The following EXOC2 variants were observed in gnomAD, a reference collection of about 807,000 sequenced individuals.
EXOC2 encodes SEC5-like 1.
A neutral mutation model predicts 131.8 loss-of-function variants in EXOC2; 70 were observed. The observed-to-expected ratio is 0.53, with a 90% CI of 0.44 to 0.65. The LOEUF (loss-of-function observed/expected upper bound fraction) is 0.65, where lower values mean the gene tolerates loss of function less well. EXOC2 is among the 30% of genes least tolerant of loss of function. EXOC2 has a pLI of 0.00. For synonymous variants in EXOC2, 411 were observed against 398.4 expected (o/e 1.03, Z -0.38); for missense variants, 923 against 1,108.6 (o/e 0.83, Z 2.38).
At chr6:504,051 G>A (rs1764383378) in intron 23 of EXOC2, among the ~76,000 whole-genome samples, 1 of 152,274 alleles carries the variant, frequency 6.6e-6, no homozygotes, top group African/African-American at 2.4e-5. Flanking sequence ...GTGCTGGGGT[G>A]GCCCGGCTCG....
intron 12 of EXOC2, among the ~76,000 whole-genome samples, chr6:574,696 C>T (rs908533539): frequency 3.3e-5 from 5 of 152,164 alleles, no homozygotes; most frequent in Non-Finnish European, 5.9e-5. Context: ...GAGGATTAAC[C>T]GTGTGCTTAT....
intron 17 of EXOC2, among the ~76,000 whole-genome samples, chr6:561,291 G>C (rs1231512160): frequency 6.6e-6 from 1 of 152,144 alleles, no homozygotes; most frequent in African/African-American, 2.4e-5. Context: ...TTCTGCCTCT[G>C]TGAATTCCAC....
At chr6:664,539 T>C (rs1374322914) in intron 1 of EXOC2, among the ~76,000 whole-genome samples, 1 of 152,178 alleles carries the variant, frequency 6.6e-6, no homozygotes, top group Non-Finnish European at 1.5e-5. Flanking sequence ...TTTCAAACTA[T>C]ACTATAAGGC....
intron 11 of EXOC2, among the ~76,000 whole-genome samples, chr6:587,093 G>A (rs1444172222): frequency 1.3e-5 from 2 of 151,868 alleles, no homozygotes; most frequent in African/African-American, 4.8e-5. Context: ...ATCCACCAAG[G>A]GTCCCTAGTC....
chr6:530,246 TG>T (rs1171090721), intron 23 of EXOC2, among the ~76,000 whole-genome samples: 2 of 152,184 alleles, frequency 1.3e-5, no homozygotes, highest in South Asian at 2.1e-4. Context: ...CAAAAGCATA[TG>T]GCAAACACTT....
chr6:653,147 T>C (rs1311141867), intron 1 of EXOC2, among the ~76,000 whole-genome samples: 3 of 152,174 alleles, frequency 2.0e-5, no homozygotes, highest in African/African-American at 7.2e-5. Context: ...TCCTCAAGCC[T>C]CCCTATTCCC....
intron 23 of EXOC2, among the ~76,000 whole-genome samples, chr6:509,861 A>C (rs1297808925): frequency 1.3e-5 from 2 of 152,126 alleles, no homozygotes; most frequent in African/African-American, 4.8e-5. Context: ...AACCCTGGAA[A>C]CTCTGGAGAT....
At chr6:575,623 C>G (rs1758539936) in intron 12 of EXOC2, among the ~76,000 whole-genome samples, 1 of 152,244 alleles carries the variant, frequency 6.6e-6, no homozygotes, top group Admixed American at 6.5e-5. Flanking sequence ...CGGCGCAATG[C>G]TTCCTGTACA....
chr6:591,818 C>A (rs986710376), intron 11 of EXOC2, among the ~76,000 whole-genome samples: 1 of 152,098 alleles, frequency 6.6e-6, no homozygotes, highest in African/African-American at 2.4e-5. Context: ...TACACCTGCA[C>A]ACAAATAGAC....
At chr6:571,928 T>C (rs1480501843) in intron 13 of EXOC2, among the ~76,000 whole-genome samples, 1 of 152,244 alleles carries the variant, frequency 6.6e-6, no homozygotes, top group Non-Finnish European at 1.5e-5. Context: ...AACAGAGTCA[T>C]TCCTTTATGT....
intron 23 of EXOC2, among the ~76,000 whole-genome samples, chr6:508,358 G>T (rs1177387960): frequency 2.6e-5 from 4 of 152,158 alleles, no homozygotes; most frequent in African/African-American, 9.7e-5. Flanking sequence ...TGGTGTACAT[G>T]TTACAGGTTT....
intron 22 of EXOC2, among the ~76,000 whole-genome samples, chr6:548,859 C>A (rs1756998537): frequency 6.6e-6 from 1 of 152,172 alleles, no homozygotes; most frequent in Non-Finnish European, 1.5e-5. Context: ...TCTGAAAGAT[C>A]TGGGTTTGCT....
intron 11 of EXOC2, among the ~76,000 whole-genome samples, chr6:590,100 G>A (rs1416532061): frequency 7.2e-6 from 1 of 139,706 alleles, no homozygotes; most frequent in Non-Finnish European, 1.5e-5. Context: ...GGGCGACAAA[G>A]CGAGACTCTG....
rs146888673 is a variant in EXOC2 at position 504,344 on chromosome 6, G to A, written c.2381-4644C>T. 6.1e-3 allele frequency among the ~76,000 whole-genome samples: 932 copies of A among 152,362 alleles called. 4 individuals carry two copies. The highest frequency in any genetic ancestry group is 9.0e-3 in the Non-Finnish European group (615 of 68,026). Reference sequence around the variant, plus strand: ...GTGCATCCGTTATGGAAGCGGCTGAGGCCTCGCGGTGATGGCAGAACGATG... The same window carrying A: ...GTGCATCCGTTATGGAAGCGGCTGAAGCCTCGCGGTGATGGCAGAACGATG... On this transcript the variant is annotated intron_variant, in intron 23 of 27. Transcript: ENST00000230449.
intron 4 of EXOC2, among the ~76,000 whole-genome samples, chr6:627,976 A>G (rs1448903224): frequency 1.3e-5 from 2 of 152,236 alleles, no homozygotes; most frequent in Non-Finnish European, 2.9e-5. Context: ...AGTACCCTGG[A>G]ATCTTAAGTC....
chr6:604,770 T>C (rs1466820820), intron 7 of EXOC2, among the ~76,000 whole-genome samples: 1 of 150,820 alleles, frequency 6.6e-6, no homozygotes, highest in Non-Finnish European at 1.5e-5. Flanking sequence ...TGGCCTCTGC[T>C]TGTCTCTGAA....
chr6:672,439 C>T (rs1763917732), intron 1 of EXOC2, among the ~76,000 whole-genome samples: 3 of 152,210 alleles, frequency 2.0e-5, no homozygotes, highest in Non-Finnish European at 2.9e-5. Flanking sequence ...AATGCTTGCT[C>T]TGTTTCTTCA....
At chr6:670,066 G>T in intron 1 of EXOC2, 1 of 152,394 alleles carries the variant, frequency 6.6e-6, no homozygotes. Flanking sequence ...ACCGACCACT[G>T]CACAGAGAAT....
At chr6:513,238 T>TAC (rs2127507983) in intron 23 of EXOC2, among the ~76,000 whole-genome samples, 1 of 152,340 alleles carries the variant, frequency 6.6e-6, no homozygotes, top group African/African-American at 2.4e-5. Flanking sequence ...CCACGTGCCG[T>TAC]ACCAAGAGCA....
Sources: gnomAD v4.1 joint callset for allele counts (sites outside exome capture counted in the v4.1 genomes callset) on GRCh38, gnomAD v4.1.1 for gene constraint, MANE v1.5 for transcripts, NCBI Gene and HGNC (gene_info 2026-07-23, HGNC 2026-07-21) for gene names.